The following ASIC2 variants were observed in gnomAD, a reference collection of about 807,000 sequenced individuals.
The protein encoded by ASIC2 is acid-sensing ion channel 2.
ASIC2 carries 25 observed loss-of-function variants against 57.3 expected under a neutral mutation model. The observed-to-expected ratio is 0.44, with a 90% CI of 0.32 to 0.61. ASIC2 has a LOEUF of 0.61. Ranked by LOEUF, ASIC2 falls within the 20% of genes least tolerant of loss-of-function variation. The pLI is 0.06. For missense variants in ASIC2, 641 were observed against 738.1 expected (o/e 0.87, Z 1.52); for synonymous variants, 319 against 307.5 (o/e 1.04, Z -0.39).
At chr17:34,036,792 T>C (rs1488922021) in intron 1 of ASIC2, 2 of 141,528 alleles carry the variant, frequency 1.4e-5, no homozygotes, top group African/African-American at 2.6e-5. Flanking sequence ...TGTGAAGAAA[T>C]AGTTGAAAAC....
chr17:33,265,178 GC>G (rs1567803573), intron 1 of ASIC2, among the ~76,000 whole-genome samples: 1 of 152,192 alleles, frequency 6.6e-6, no homozygotes, highest in Non-Finnish European at 1.5e-5. Context: ...TGTTTTCACT[GC>G]CTGGAATGTT....
intron 2 of ASIC2, among the ~76,000 whole-genome samples, chr17:33,104,586 G>A (rs1207489018): frequency 2.6e-5 from 4 of 152,172 alleles, no homozygotes; most frequent in Admixed American, 6.5e-5. Flanking sequence ...TGTTTTCTAC[G>A]TGGGACTGCG....
intron 1 of ASIC2, among the ~76,000 whole-genome samples, chr17:33,186,494 G>A (rs1352656619): frequency 6.6e-6 from 1 of 152,116 alleles, no homozygotes; most frequent in Admixed American, 6.6e-5. Flanking sequence ...ATTTATTTCA[G>A]ACTATGGAAA....
intron 1 of ASIC2, among the ~76,000 whole-genome samples, chr17:33,668,307 GTA>G (rs1191674526): frequency 9.3e-6 from 1 of 107,288 alleles, no homozygotes; most frequent in Non-Finnish European, 1.8e-5. Context: ...TTTGCAGCCA[GTA>G]TAAAGTAGAA....
intron 1 of ASIC2, among the ~76,000 whole-genome samples, chr17:33,883,570 T>G (rs1914755632): frequency 6.6e-6 from 1 of 152,156 alleles, no homozygotes; most frequent in Non-Finnish European, 1.5e-5. Context: ...CCCACACAGA[T>G]GAACTCCAAA....
At chr17:33,498,944 T>A (rs1914021987) in intron 1 of ASIC2, among the ~76,000 whole-genome samples, 1 of 152,214 alleles carries the variant, frequency 6.6e-6, no homozygotes, top group South Asian at 2.1e-4. Context: ...TGCATGGTTT[T>A]ACTGGGTTCT....
rs532530001 is a variant in ASIC2, at chr17:33,017,608, A to G, written c.1518T>C (p.Tyr506=). The change falls in exon 8 of 10, where the codon TAT becomes TAC. Residue 506 remains tyrosine, a synonymous_variant. Transcript: ENST00000225823. ...LTILELFDYI[Y]ELIKEKLLDL... ...TGTGGGGAATCCCAAATCTTACCTC[A>G]TAAATATAATCAAAGAGCTCTAGTA... 1 of 1,612,382 alleles carries G rather than the reference A, an allele frequency of 6.2e-7. No homozygotes were observed. Among genetic ancestry groups the G allele is most frequent in the African/African-American group, 1.3e-5 (1 of 75,028 alleles).
At chr17:33,889,012 T>A (rs1914896711) in intron 1 of ASIC2, among the ~76,000 whole-genome samples, 1 of 152,104 alleles carries the variant, frequency 6.6e-6, no homozygotes, top group Non-Finnish European at 1.5e-5. Context: ...CTGCAAATCA[T>A]GTTGCTGAGT....
chr17:33,107,903 G>T (rs1481694652), intron 2 of ASIC2, among the ~76,000 whole-genome samples: 2 of 152,210 alleles, frequency 1.3e-5, no homozygotes, highest in Non-Finnish European at 2.9e-5. Flanking sequence ...GCTCTGCTTT[G>T]AGCAGAATGG....
intron 1 of ASIC2, among the ~76,000 whole-genome samples, chr17:33,496,213 CG>C (rs1446843409): frequency 6.6e-6 from 1 of 152,098 alleles, no homozygotes; most frequent in Non-Finnish European, 1.5e-5. Flanking sequence ...GGGCTTGGAC[CG>C]GGCTATTGGA....
intron 1 of ASIC2, among the ~76,000 whole-genome samples, chr17:34,027,943 G>A (rs1201905232): frequency 3.3e-5 from 5 of 152,148 alleles, no homozygotes; most frequent in East Asian, 3.8e-4. Flanking sequence ...TGGGAATAAC[G>A]ATATGCATTA....
intron 1 of ASIC2, among the ~76,000 whole-genome samples, chr17:34,009,148 G>C (rs1233625056): frequency 3.3e-5 from 5 of 152,032 alleles, no homozygotes; most frequent in Admixed American, 2.6e-4. Context: ...CCGGAAAATG[G>C]GAGTCCTATT....
At chr17:33,234,566 T>A (rs1378592917) in intron 1 of ASIC2, among the ~76,000 whole-genome samples, 1 of 152,204 alleles carries the variant, frequency 6.6e-6, no homozygotes, top group African/African-American at 2.4e-5. Flanking sequence ...TCGTTCAGGC[T>A]GCAATAACAA....
chr17:33,474,643 C>A (rs1913160692), intron 1 of ASIC2, among the ~76,000 whole-genome samples: 1 of 152,116 alleles, frequency 6.6e-6, no homozygotes, highest in Non-Finnish European at 1.5e-5. Flanking sequence ...CCTGACTTTG[C>A]CCTTTCTTCC....
At chr17:33,110,291 A>C (rs921548810) in intron 2 of ASIC2, among the ~76,000 whole-genome samples, 4 of 151,956 alleles carry the variant, frequency 2.6e-5, no homozygotes, top group African/African-American at 4.8e-5. Context: ...CACCCCCTGG[A>C]CTCCGGGTTG....
intron 1 of ASIC2, among the ~76,000 whole-genome samples, chr17:33,360,841 C>A (rs949000395): frequency 3.9e-5 from 6 of 152,134 alleles, no homozygotes; most frequent in Admixed American, 1.3e-4. Context: ...TAACTAGAAC[C>A]TGTCTCCTAG....
chr17:33,446,780 TTGAA>T (rs766343093), intron 1 of ASIC2, among the ~76,000 whole-genome samples: 9 of 152,280 alleles, frequency 5.9e-5, no homozygotes, highest in Non-Finnish European at 8.8e-5. Flanking sequence ...AGGGAAATCT[TTGAA>T]CCTAGTCAAA....
At chr17:33,932,741 A>AATATATATATATATATATATATAT (rs1330850946) in intron 1 of ASIC2, 26 of 58,616 alleles carry the variant, frequency 4.4e-4, no homozygotes, top group African/African-American at 1.1e-3. Flanking sequence ...AAAAAAAAAA[A>AATATATATATATATATATATATAT]ATATATATAT....
At chr17:33,703,929 A>G (rs1908784661) in intron 1 of ASIC2, among the ~76,000 whole-genome samples, 1 of 152,092 alleles carries the variant, frequency 6.6e-6, no homozygotes, top group Non-Finnish European at 1.5e-5. Context: ...TTTGGCTTTC[A>G]CAATCCTATG....
Sources: allele counts gnomAD v4.1 joint callset (sites outside exome capture counted in the v4.1 genomes callset), GRCh38; gene constraint gnomAD v4.1.1; transcripts MANE v1.5; gene names NCBI Gene and HGNC (gene_info 2026-07-23, HGNC 2026-07-21).